CACNA1I: variants seen among roughly 807,000 people sequenced by gnomAD.
CACNA1I encodes calcium voltage-gated channel subunit alpha1 I, also known as voltage-dependent T-type calcium channel subunit alpha-1I.
A neutral mutation model predicts 201.6 loss-of-function variants in CACNA1I; 74 were observed. That is an observed-to-expected ratio of 0.37 (90% CI 0.30 to 0.45). The LOEUF is 0.45. CACNA1I is among the 20% of genes least tolerant of loss of function. CACNA1I has a pLI of 1.00. For synonymous variants in CACNA1I, 1,431 were observed against 1,345.2 expected (o/e 1.06, Z -1.40); for missense variants, 2,346 against 3,138.1 (o/e 0.75, Z 6.03).
chr22:39,632,585 T>G lies in CACNA1I; in HGVS notation c.581-1980T>G, dbSNP rs73163048. 1.8e-3 allele frequency among the ~76,000 whole-genome samples: 241 copies of G among 134,610 alleles called. 1 individual carries two copies. The highest frequency in any genetic ancestry group is 3.9e-3 in the East Asian group (15 of 3,868). The allele number at this position is 134,610 out of a possible 152,430, so 88.3% of individuals were successfully genotyped here. ...CCAGGCTGTGAGCTCTGTGTGTGTG[T>G]GGGGGGAGGGTTGGGGGGGTAAAAA... On this transcript the variant is annotated intron_variant, in intron 4 of 36. Transcript: ENST00000402142.
chr22:39,681,001 C>A lies in CACNA1I; in HGVS notation c.5613C>A (p.Asp1871Glu), dbSNP rs376733895. 3.7e-6 allele frequency: 6 copies of A among 1,611,662 alleles called. No homozygotes were observed. The highest frequency in any genetic ancestry group is 1.7e-6 in the Non-Finnish European group (2 of 1,179,498). ...DRSSSILLGD[D>E]LSLEDPTACP... ...CCTCGTCCATCCTGCTGGGTGACGA[C>A]CTGAGTCTCGAGGACCCCACAGCCT... The change falls in exon 34 of 37, where the codon GAC becomes GAA. Residue 1871 changes from aspartate (D) to glutamate (E), a missense_variant. Asp to Glu is a conservative substitution (Grantham distance 45, BLOSUM62 2). Coordinates refer to ENST00000402142, the MANE Select transcript of CACNA1I (RefSeq NM_021096.4).
chr22:39,665,735 G>A lies in CACNA1I; in HGVS notation c.3978+111G>A. The A allele has an allele frequency of 6.5e-7, 1 of 1,542,310 alleles. No homozygotes were observed. The highest frequency in any genetic ancestry group is 2.3e-5 in the East Asian group (1 of 44,276). On this transcript the variant is annotated intron_variant, in intron 22 of 36. Transcript: ENST00000402142. This position sits in a 1 kb window ranked among gnomAD's most constrained non-coding sequence, Gnocchi z 5.5. ...TCCAACCTCATGCGCCTTGCCAGCT[G>A]TGGGCTTCTCCTCCAGGGAGGGAGA...
At chr22:39,637,514 G>A (rs907101479) in intron 5 of CACNA1I, among the ~76,000 whole-genome samples, 8 of 152,158 alleles carry the variant, frequency 5.3e-5, no homozygotes, top group Non-Finnish European at 8.8e-5. Flanking sequence ...TCACTTGGCA[G>A]CACTCCTGTG....
In CACNA1I at chr22:39,609,666, ACCT is replaced by A. The variant is rs554621046; in HGVS notation, c.482+9014_482+9016del. Among the ~76,000 whole-genome samples the A allele has an allele frequency of 3.3e-4, 51 of 152,350 alleles. No homozygotes were observed. The East Asian group carries it at 8.9e-3, about 26-fold the overall frequency. ...TTGGCCAGAACTGGGTCTGATGGAC[ACCT>A]GAGTGGCAGCAAGGCTAGGAAAGCA... On this transcript the variant is annotated intron_variant, in intron 3 of 36. Transcript: ENST00000402142.
At position 39,666,662 on chromosome 22, in the gene CACNA1I, G is replaced by GT. The variant is rs1935207206; in HGVS notation, c.4104+657dup. ...AGGGCCTGCCCAGGAGGCCAGGTAT[G>GT]TCCAGACGTAGGCGTGCCTTGCCCC... is the stretch of plus-strand genomic sequence containing the variant. On this transcript the variant is annotated intron_variant, in intron 23 of 36. Coordinates refer to ENST00000402142, the MANE Select transcript of CACNA1I (RefSeq NM_021096.4). This position sits in a 1 kb window ranked among gnomAD's most constrained non-coding sequence, Gnocchi z 4.1. Among the ~76,000 whole-genome samples the GT allele has an allele frequency of 6.6e-6, 1 of 152,204 alleles. No individual in the cohort carries two copies. Among genetic ancestry groups the GT allele is most frequent in the Non-Finnish European group, 1.5e-5 (1 of 68,016 alleles).
chr22:39,667,599 G>C (rs1379856468), intron 23 of CACNA1I, among the ~76,000 whole-genome samples: 1 of 152,144 alleles, frequency 6.6e-6, no homozygotes, highest in Non-Finnish European at 1.5e-5. Flanking sequence ...GTTCTGTGCT[G>C]GGTGCTGCAG....
chr22:39,625,062 C>T (rs1933861474), intron 4 of CACNA1I, among the ~76,000 whole-genome samples: 1 of 152,146 alleles, frequency 6.6e-6, no homozygotes, highest in South Asian at 2.1e-4. Context: ...TGCCCACCAC[C>T]ACGTCCAGCT....
chr22:39,662,100 G>T lies in CACNA1I; in HGVS notation c.3037G>T (p.Gly1013Cys), dbSNP rs752458532. 4.3e-5 allele frequency: 66 copies of T among 1,527,110 alleles called. No individual in the cohort carries two copies. The highest frequency in any genetic ancestry group is 5.3e-5 in the Non-Finnish European group (61 of 1,141,634). The allele number at this position is 1,527,110 out of a possible 1,614,324, so 94.6% of individuals were successfully genotyped here. A position where few individuals can be genotyped will look rare whatever the true frequency, so the allele number is the denominator to read the frequency against. Residue 1013 changes from glycine to cysteine, a missense_variant, in exon 17 of 37, where the codon GGC (glycine) becomes TGC (cysteine). Around this residue, in one of 13 missense-constraint regions of CACNA1I, gnomAD observed 288 missense variants for 255.2 expected, o/e 1.13. Coordinates refer to ENST00000402142, the MANE Select transcript of CACNA1I (RefSeq NM_021096.4). ...GTCCCTGCTCTCTGCGGAGCGCGGC[G>T]GCGGCGCCCGGGTCTGCGAGGTTGC... ...HESLLSAERG[G>C]GARVCEVAAD...
chr22:39,661,470 G>A (rs1367449314), intron 16 of CACNA1I, among the ~76,000 whole-genome samples, 160 bp downstream of exon 16: 5 of 152,248 alleles, frequency 3.3e-5, no homozygotes, highest in Admixed American at 6.5e-5. Context: ...CAGTGCCAGA[G>A]TGGGACCTGG....
Position 39,676,091 on chromosome 22 carries a change from C to G in CACNA1I, c.4855-1250C>G, listed in dbSNP as rs1479599762. ...GGAGGCAGGGAAGCTGGTGAGGAGG[C>G]TGCTGCAACCCTGCCGGCTCTGAGA... is the stretch of plus-strand genomic sequence containing the variant. On this transcript the variant is annotated intron_variant, in intron 29 of 36. Transcript: ENST00000402142. This position sits in a 1 kb window ranked among gnomAD's most constrained non-coding sequence, Gnocchi z 4.8. Among the ~76,000 whole-genome samples the G allele has an allele frequency of 1.3e-5, 2 of 152,170 alleles. No individual in the cohort carries two copies. The highest frequency in any genetic ancestry group is 2.4e-5 in the African/African-American group (1 of 41,436).
chr22:39,598,713 C>A (rs1341592250), intron 2 of CACNA1I, among the ~76,000 whole-genome samples: 1 of 152,076 alleles, frequency 6.6e-6, no homozygotes, highest in Admixed American at 6.5e-5. Flanking sequence ...AAGTTCACAC[C>A]CTGCCCTAGA....
rs1933989713 is a variant in CACNA1I at position 39,629,429 on chromosome 22, C to A, written c.581-5136C>A. On this transcript the variant is annotated intron_variant, in intron 4 of 36. Transcript: ENST00000402142. The surrounding 1 kb of genome is among the most constrained non-coding windows in gnomAD (Gnocchi z 4.8). ...TCCATATCCCATCCCTCTGCTTGGC[C>A]TCCAAAATACCTCCAGAATCCACCA... Among the ~76,000 whole-genome samples, 1 of 151,942 alleles carries A rather than the reference C, an allele frequency of 6.6e-6. No homozygotes were observed. The highest frequency in any genetic ancestry group is 1.5e-5 in the Non-Finnish European group (1 of 67,994).
intron 24 of CACNA1I, 46 bp downstream of exon 24, chr22:39,668,427 A>T (rs1343931399): frequency 3.1e-6 from 4 of 1,297,728 alleles, no homozygotes; most frequent in Non-Finnish European, 4.5e-6. Flanking sequence ...AGGGAGGAAC[A>T]TGGTGTCCTT....
chr22:39,606,058 C>A (rs1449917233), intron 3 of CACNA1I, among the ~76,000 whole-genome samples: 1 of 152,134 alleles, frequency 6.6e-6, no homozygotes, highest in Non-Finnish European at 1.5e-5. Context: ...GATGAAATGT[C>A]CCCAGCCTTC....
intron 24 of CACNA1I, 122 bp from the exon 25 acceptor site, chr22:39,669,916 C>T: frequency 6.4e-6 from 7 of 1,086,156 alleles, no homozygotes; most frequent in Non-Finnish European, 9.8e-6. Context: ...GACCTCACAG[C>T]CACCTTCCTG....
intron 10 of CACNA1I, 46 bp from the exon 11 acceptor site, chr22:39,658,106 C>T (rs780377195): frequency 1.9e-6 from 3 of 1,604,844 alleles, no homozygotes; most frequent in Non-Finnish European, 2.6e-6. Context: ...CCACAGCTGC[C>T]CTCTGGCCTG....
chr22:39,662,179 A>T lies in CACNA1I; in HGVS notation c.3116A>T (p.His1039Leu). 1 of 1,531,370 alleles carries T rather than the reference A, an allele frequency of 6.5e-7. No homozygotes were observed. Among genetic ancestry groups the T allele is most frequent in the East Asian group, 2.6e-5 (1 of 38,468 alleles). The allele number at this position is 1,531,370 out of a possible 1,614,324, so 94.9% of individuals were successfully genotyped here. The change falls in exon 17 of 37, where the codon CAC becomes CTC. Residue 1039 changes from histidine (H) to leucine (L), a missense_variant. By Grantham distance (99) the His-to-Leu change is moderately conservative. Transcript: ENST00000402142. Reference sequence around the variant, plus strand: ...CCCCTGCACACCCCACACGCCCACCACATTCATCACGGGCCCCATCTGGCG... The same window carrying T: ...CCCCTGCACACCCCACACGCCCACCTCATTCATCACGGGCCCCATCTGGCG... ...AAPLHTPHAH[H>L]IHHGPHLAHR...
rs1051787872 is a variant in CACNA1I at position 39,676,004 on chromosome 22, C to T, written c.4855-1337C>T. Among the ~76,000 whole-genome samples the T allele has an allele frequency of 3.3e-5, 5 of 152,144 alleles. No individual in the cohort carries two copies. The highest frequency in any genetic ancestry group is 6.5e-5 in the Admixed American group (1 of 15,280). ...GGTTCTAGACAAGGAAGGCTGCAGCCGAGCTGCCTTTGAGAAGGTGGCTCT... is the reference window on the plus strand; with the variant it reads ...GGTTCTAGACAAGGAAGGCTGCAGCTGAGCTGCCTTTGAGAAGGTGGCTCT... On this transcript the variant is annotated intron_variant, in intron 29 of 36. Transcript: ENST00000402142. This position sits in a 1 kb window ranked among gnomAD's most constrained non-coding sequence, Gnocchi z 4.8.
intron 3 of CACNA1I, among the ~76,000 whole-genome samples, chr22:39,612,531 C>G (rs1439069422): frequency 6.6e-6 from 1 of 152,140 alleles, no homozygotes; most frequent in Non-Finnish European, 1.5e-5. Flanking sequence ...GCCACTTCCT[C>G]ATAGATGAGT....
Sources: allele counts gnomAD v4.1 joint callset (sites outside exome capture counted in the v4.1 genomes callset), GRCh38; gene constraint gnomAD v4.1.1; regional missense constraint gnomAD v4.1.1; non-coding constraint Gnocchi (gnomAD v3.1); transcripts MANE v1.5; gene names NCBI Gene and HGNC (gene_info 2026-07-23, HGNC 2026-07-21).